The following PCSK5 variants were observed in gnomAD, a reference collection of about 807,000 sequenced individuals.
PCSK5 encodes the protein proprotein convertase subtilisin/kexin type 5, also known as prohormone convertase 5.
In PCSK5, 129 loss-of-function variants were observed where a neutral mutation model predicts 233.2. That is an observed-to-expected ratio of 0.55 (90% CI 0.48 to 0.64). The LOEUF (loss-of-function observed/expected upper bound fraction) is 0.64. Ranked by LOEUF, PCSK5 falls within the 30% of genes least tolerant of loss-of-function variation. PCSK5 has a pLI of 0.00. For synonymous variants in PCSK5, 825 were observed against 879.2 expected (o/e 0.94, Z 1.09); for missense variants, 2,076 against 2,430.1 (o/e 0.85, Z 3.06).
intron 29 of PCSK5, 137 bp downstream of exon 29, chr9:76,308,865 C>T (rs1437406195): frequency 1.1e-5 from 7 of 610,744 alleles, no homozygotes; most frequent in Admixed American, 6.1e-5. Context: ...AGTGGCTACT[C>T]GGGAGACACA....
chr9:76,093,687 C>T (rs1034899041), intron 7 of PCSK5, among the ~76,000 whole-genome samples: 4 of 152,046 alleles, frequency 2.6e-5, no homozygotes, highest in Non-Finnish European at 4.4e-5. Context: ...GTGGGTTTTG[C>T]ACAATCCCAT....
intron 5 of PCSK5, among the ~76,000 whole-genome samples, chr9:76,058,164 G>T (rs1026085622): frequency 4.9e-4 from 75 of 152,282 alleles, no homozygotes; most frequent in Middle Eastern, 6.8e-3. Context: ...GGACTTTTTA[G>T]TGCATGGTTG....
intron 14 of PCSK5, among the ~76,000 whole-genome samples, chr9:76,179,250 T>A (rs971996547): frequency 6.6e-6 from 1 of 152,222 alleles, no homozygotes; most frequent in African/African-American, 2.4e-5. Flanking sequence ...ATCTTTTTAC[T>A]ATTACACATA....
intron 10 of PCSK5, among the ~76,000 whole-genome samples, chr9:76,146,532 ATAT>A: frequency 6.6e-6 from 1 of 150,560 alleles, no homozygotes; most frequent in Non-Finnish European, 1.5e-5. Context: ...ATGTATGTAT[ATAT>A]ATATATGTGT....
chr9:76,359,053 A>G lies in PCSK5; in HGVS notation c.*131A>G, dbSNP rs1253593613. 7.4e-6 allele frequency: 5 copies of G among 673,822 alleles called. No individual in the cohort carries two copies. The highest frequency in any genetic ancestry group is 1.8e-5 in the African/African-American group (1 of 55,412). 41.7% of individuals were successfully genotyped at this position (673,822 alleles called of 1,614,324 possible). A position where few individuals can be genotyped will look rare whatever the true frequency, so the allele number is the denominator to read the frequency against. ...TTTGTCTTCTTTAACCATGAGTCCA[A>G]CCAGAATATGTAAGAATGATGAAAT... On this transcript the variant is annotated 3_prime_UTR_variant, in exon 38 of 38. Transcript: ENST00000674117.
At chr9:75,967,944 T>C (rs993405573) in intron 2 of PCSK5, among the ~76,000 whole-genome samples, 2 of 152,214 alleles carry the variant, frequency 1.3e-5, no homozygotes, top group Non-Finnish European at 2.9e-5. Context: ...GTATTTTTAG[T>C]AGAGACGGGG....
intron 2 of PCSK5, among the ~76,000 whole-genome samples, chr9:75,968,813 C>A (rs550697337): frequency 6.6e-6 from 1 of 152,212 alleles, no homozygotes; most frequent in Non-Finnish European, 1.5e-5. Flanking sequence ...CCATAGTCAA[C>A]GGTAGGGACC....
At chr9:76,238,910 GCTAACTTTGTA>G (rs760762751) in intron 22 of PCSK5, 38 bp from the exon 23 acceptor site, 2 of 1,339,712 alleles carry the variant, frequency 1.5e-6, no homozygotes, top group African/African-American at 1.4e-5. Context: ...TAGCTTCATG[GCTAACTTTGTA>G]CATTTTCCCT....
intron 2 of PCSK5, among the ~76,000 whole-genome samples, chr9:75,938,227 G>A (rs1824146437): frequency 6.6e-6 from 1 of 152,080 alleles, no homozygotes; most frequent in Non-Finnish European, 1.5e-5. Context: ...TGAACACTTA[G>A]AGGCCATTGT....
chr9:76,101,004 T>A (rs1831732348), intron 8 of PCSK5, among the ~76,000 whole-genome samples: 1 of 152,190 alleles, frequency 6.6e-6, no homozygotes, highest in South Asian at 2.1e-4. Flanking sequence ...AGGATTTTCT[T>A]CATCACCTTT....
chr9:75,950,156 G>T (rs1824786233), intron 2 of PCSK5, among the ~76,000 whole-genome samples: 1 of 132,608 alleles, frequency 7.5e-6, no homozygotes, highest in Non-Finnish European at 1.6e-5. Context: ...GGGGGGGCGG[G>T]GAGGGGGGAA....
chr9:76,040,730 A>G (rs1042855165), intron 5 of PCSK5, among the ~76,000 whole-genome samples: 1 of 152,176 alleles, frequency 6.6e-6, no homozygotes, highest in African/African-American at 2.4e-5. Context: ...TTTTCTGAAC[A>G]TAGTGTTTAT....
chr9:76,334,149 C>T (rs1326048703), intron 34 of PCSK5, among the ~76,000 whole-genome samples: 2 of 151,980 alleles, frequency 1.3e-5, no homozygotes, highest in South Asian at 4.2e-4. Flanking sequence ...CGTCAGATCT[C>T]GTAAGACTTA....
At chr9:76,196,692 T>C (rs1280342035) in intron 20 of PCSK5, among the ~76,000 whole-genome samples, 2 of 152,240 alleles carry the variant, frequency 1.3e-5, no homozygotes, top group African/African-American at 2.4e-5. Context: ...TCACTTACTA[T>C]GTACTACACA....
intron 24 of PCSK5, among the ~76,000 whole-genome samples, chr9:76,259,182 T>G (rs971119627): frequency 6.6e-6 from 1 of 152,198 alleles, no homozygotes. Context: ...CAAAAGAGCC[T>G]TATTAACTTT....
intron 2 of PCSK5, among the ~76,000 whole-genome samples, chr9:75,943,908 C>A (rs1219358679): frequency 1.3e-5 from 2 of 152,112 alleles, no homozygotes; most frequent in East Asian, 3.8e-4. Flanking sequence ...TGCCTATAAT[C>A]CCAGCACTTT....
At position 76,351,534 on chromosome 9, in the gene PCSK5, AAGG is replaced by A. The variant is rs1423392189; in HGVS notation, c.5067+608_5067+610del. ...AAAGAAAGAAAGAAAGAAAGAAAGG[AAGG>A]AAAGAAAGAGAAAGAAGAGAGAGAG... On this transcript the variant is annotated intron_variant, in intron 36 of 37. Coordinates refer to ENST00000674117, the MANE Select transcript of PCSK5 (RefSeq NM_001372043.1). Among the ~76,000 whole-genome samples the A allele has an allele frequency of 1.4e-4, 19 of 131,372 alleles. 4 individuals carry two copies. Among genetic ancestry groups the A allele is most frequent in the Non-Finnish European group, 1.8e-4 (11 of 60,402 alleles). The allele number at this position is 131,372 out of a possible 152,430, so 86.2% of individuals were successfully genotyped here. A position where few individuals can be genotyped will look rare whatever the true frequency, so the allele number is the denominator to read the frequency against.
At chr9:76,154,183 T>A (rs12553135) in intron 10 of PCSK5, among the ~76,000 whole-genome samples, 43,997 of 151,948 alleles carry the variant, frequency 0.29, 6,772 homozygotes, top group Admixed American at 0.37. Context: ...TAGTATGAAG[T>A]TTTTTTCGGT....
At chr9:75,910,580 CTT>C (rs113232033) in intron 1 of PCSK5, among the ~76,000 whole-genome samples, 61 of 146,378 alleles carry the variant, frequency 4.2e-4, no homozygotes, top group African/African-American at 1.4e-3. Context: ...ATACAGAGTT[CTT>C]TTTTTTTTTT....
Sources: gnomAD v4.1 joint callset for allele counts (sites outside exome capture counted in the v4.1 genomes callset) on GRCh38, gnomAD v4.1.1 for gene constraint, MANE v1.5 for transcripts, NCBI Gene and HGNC (gene_info 2026-07-23, HGNC 2026-07-21) for gene names.